The following POU3F3 variants were observed in gnomAD, a reference collection of about 807,000 sequenced individuals.
The protein encoded by POU3F3 is POU class 3 homeobox 3.
In POU3F3, 1 loss-of-function variant was observed where a neutral mutation model predicts 8.6. The observed-to-expected ratio is 0.12, with a 90% CI of 0.04 to 0.55. POU3F3 has a LOEUF of 0.55. Ranked by LOEUF, POU3F3 falls within the 20% of genes least tolerant of loss-of-function variation. The pLI, the probability that POU3F3 is intolerant of heterozygous loss-of-function variation, is 0.91. For synonymous variants in POU3F3, 418 were observed against 327.4 expected (o/e 1.28, Z -2.99); for missense variants, 577 against 690.7 (o/e 0.84, Z 1.84).
At position 104,856,806 on chromosome 2, in the gene POU3F3, C is replaced by T. The variant is rs1431518337; in HGVS notation, c.1296C>T (p.Ser432=). ...ESHFLKCPKP[S]AQEITNLADS... is the part of the protein sequence containing the mutation. ...ACTTCCTCAAGTGCCCCAAGCCCTC[C>T]GCGCAGGAGATCACCAACCTGGCCG... Residue 432 remains serine, a synonymous_variant, in exon 1 of 1, where the codon TCC becomes TCT. Coordinates refer to ENST00000361360, the MANE Select transcript of POU3F3 (RefSeq NM_006236.3). 1.9e-6 allele frequency: 3 copies of T among 1,614,084 alleles called. No individual in the cohort carries two copies. Among genetic ancestry groups the T allele is most frequent in the Admixed American group, 1.7e-5 (1 of 60,026 alleles).
the POU3F3 span, among the ~76,000 whole-genome samples, chr2:104,883,956 G>A: frequency 2.8e-4 from 42 of 152,234 alleles, no homozygotes; most frequent in Middle Eastern, 3.4e-3. Context: ...GGAGGAAGAC[G>A]GGAAAAAGAA....
At chr2:104,883,546 A>T in the POU3F3 span, among the ~76,000 whole-genome samples, 1 of 152,150 alleles carries the variant, frequency 6.6e-6, no homozygotes, top group Non-Finnish European at 1.5e-5. Flanking sequence ...AGTCAGAGAG[A>T]TTACACAGCA....
the POU3F3 span, among the ~76,000 whole-genome samples, chr2:104,886,830 C>A: frequency 6.6e-6 from 1 of 151,994 alleles, no homozygotes; most frequent in Non-Finnish European, 1.5e-5. Flanking sequence ...ATCACTTGAA[C>A]CTGGAAGGCA....
chr2:104,917,588 G>A, the POU3F3 span, among the ~76,000 whole-genome samples: 1 of 152,152 alleles, frequency 6.6e-6, no homozygotes, highest in African/African-American at 2.4e-5. Context: ...GAGGAAGTGG[G>A]CACAGTCTGT....
chr2:104,909,349 A>G, the POU3F3 span, among the ~76,000 whole-genome samples: 1 of 152,230 alleles, frequency 6.6e-6, no homozygotes, highest in South Asian at 2.1e-4. Flanking sequence ...ATGGGAAGCC[A>G]GAAGATATGC....
At chr2:104,888,226 G>A in the POU3F3 span, among the ~76,000 whole-genome samples, 3 of 152,302 alleles carry the variant, frequency 2.0e-5, no homozygotes, top group African/African-American at 7.2e-5. Context: ...GGTTCTTGTG[G>A]GGCAAACATT....
At chr2:104,890,751 G>C in the POU3F3 span, among the ~76,000 whole-genome samples, 8 of 152,140 alleles carry the variant, frequency 5.3e-5, no homozygotes, top group Non-Finnish European at 1.2e-4. Flanking sequence ...CTCCACACTC[G>C]GGTAAAAGAG....
At chr2:104,861,385 ATTGT>A (rs1377967771), downstream of POU3F3, among the ~76,000 whole-genome samples, 1 of 152,194 alleles carries the variant, frequency 6.6e-6, no homozygotes, top group Non-Finnish European at 1.5e-5. Flanking sequence ...GGTGGACCTG[ATTGT>A]TTTTTTAAGG....
At chr2:104,923,371 G>A in the POU3F3 span, among the ~76,000 whole-genome samples, 1 of 152,170 alleles carries the variant, frequency 6.6e-6, no homozygotes, top group Non-Finnish European at 1.5e-5. Flanking sequence ...ATGTAAGTTT[G>A]TAACACCAAT....
At chr2:104,910,705 T>G in the POU3F3 span, among the ~76,000 whole-genome samples, 1 of 152,202 alleles carries the variant, frequency 6.6e-6, no homozygotes, top group Non-Finnish European at 1.5e-5. Context: ...TGGTTTCGAA[T>G]TTACTGAGAG....
At chr2:104,881,222 A>G in the POU3F3 span, among the ~76,000 whole-genome samples, 22 of 149,502 alleles carry the variant, frequency 1.5e-4, no homozygotes, top group Non-Finnish European at 4.4e-5. Context: ...GAGTGGTGCA[A>G]TCATGGCTAA....
chr2:104,927,548 A>G, the POU3F3 span, among the ~76,000 whole-genome samples: 1 of 152,106 alleles, frequency 6.6e-6, no homozygotes, highest in South Asian at 2.1e-4. Context: ...TGAGCCAAAG[A>G]GTTCGAGATC....
the POU3F3 span, among the ~76,000 whole-genome samples, chr2:104,908,197 T>A: frequency 6.6e-6 from 1 of 152,244 alleles, no homozygotes; most frequent in South Asian, 2.1e-4. Context: ...TATTTACCAA[T>A]ATTTTATTCA....
chr2:104,889,585 G>A, the POU3F3 span, among the ~76,000 whole-genome samples: 5 of 152,294 alleles, frequency 3.3e-5, no homozygotes, highest in East Asian at 9.6e-4. Flanking sequence ...CCAAGGTCCC[G>A]GAGCTGGCCA....
downstream of POU3F3, among the ~76,000 whole-genome samples, chr2:104,863,156 AACAATTATT>A (rs1174015070): frequency 1.6e-5 from 2 of 126,836 alleles, no homozygotes; most frequent in Non-Finnish European, 3.3e-5. Context: ...GCCTCATAAT[AACAATTATT>A]ATTATTATTA....
chr2:104,868,424 TAGTC>T, the POU3F3 span: 2 of 452,920 alleles, frequency 4.4e-6, no homozygotes, highest in Non-Finnish European at 8.9e-6. Flanking sequence ...ATGTAAAATA[TAGTC>T]AGTGACTGTT....
the POU3F3 span, among the ~76,000 whole-genome samples, chr2:104,887,918 CT>C: frequency 6.6e-6 from 1 of 152,190 alleles, no homozygotes; most frequent in African/African-American, 2.4e-5. Context: ...GAAGTGCAAC[CT>C]TTTATTCTGA....
the POU3F3 span, among the ~76,000 whole-genome samples, chr2:104,920,173 C>G: frequency 1.3e-4 from 20 of 152,290 alleles, no homozygotes; most frequent in African/African-American, 4.8e-4. Context: ...TGCCATCACG[C>G]CCAGCTAACT....
the POU3F3 span, among the ~76,000 whole-genome samples, chr2:104,912,028 C>A: frequency 6.6e-6 from 1 of 152,190 alleles, no homozygotes; most frequent in African/African-American, 2.4e-5. Context: ...CTGTTGATAG[C>A]TTTTTGGGTG....
Sources: gnomAD v4.1 joint callset for allele counts (sites outside exome capture counted in the v4.1 genomes callset) on GRCh38, gnomAD v4.1.1 for gene constraint, MANE v1.5 for transcripts, NCBI Gene and HGNC (gene_info 2026-07-23, HGNC 2026-07-21) for gene names.